KIF4A: variants seen among roughly 807,000 people sequenced by gnomAD.
KIF4A encodes the protein kinesin family member 4A, also known as chromosome-associated kinesin KIF4A.
KIF4A carries 7 observed loss-of-function variants against 105.9 expected under a neutral mutation model. That is an observed-to-expected ratio of 0.07 (90% CI 0.04 to 0.12). The LOEUF is 0.12. Among genes scored for constraint, KIF4A ranks in the 10% least tolerant of loss-of-function variants. The pLI is 1.00. For missense variants in KIF4A, 558 were observed against 929.2 expected, an observed-to-expected ratio of 0.60 and a Z score of 5.19; for synonymous variants, 281 against 331.3, an observed-to-expected ratio of 0.85 and a Z score of 1.65.
intron 20 of KIF4A, among the ~76,000 whole-genome samples, chrX:70,388,804 AC>A (rs2147730605): frequency 8.9e-6 from 1 of 112,392 alleles, no homozygotes; most frequent in African/African-American, 3.2e-5. Flanking sequence ...TTAACAGAGG[AC>A]TTCTGTGTTT....
At chrX:70,350,363 C>T (rs1238066934) in intron 13 of KIF4A, among the ~76,000 whole-genome samples, 1 of 112,007 alleles carries the variant, frequency 8.9e-6, no homozygotes, top group Non-Finnish European at 1.9e-5. Context: ...CGGGTGCCTG[C>T]ATTCCCAGGC....
intron 7 of KIF4A, among the ~76,000 whole-genome samples, chrX:70,328,056 A>T (rs971542198): frequency 8.9e-6 from 1 of 112,074 alleles, no homozygotes; most frequent in Non-Finnish European, 1.9e-5. Context: ...AGTAGGATGC[A>T]GTCAGGAATT....
intron 28 of KIF4A, among the ~76,000 whole-genome samples, chrX:70,414,935 C>T (rs1188843677): frequency 8.9e-6 from 1 of 112,010 alleles, no homozygotes; most frequent in African/African-American, 3.2e-5. Flanking sequence ...CAAACTATCC[C>T]ACTTTCTTCT....
In KIF4A at chrX:70,300,642, G is replaced by A. The variant is rs146442808; in HGVS notation, c.517-1258G>A. On this transcript the variant is annotated intron_variant, in intron 5 of 30. Transcript: ENST00000374403. ...TATGTTAGGACCAGATTATGAAGCC[G>A]GGCTAAAGAGCTTAGTTTCTATCCC... 6.2e-3 allele frequency among the ~76,000 whole-genome samples: 693 copies of A among 111,532 alleles called. 7 individuals are homozygous for A. Among genetic ancestry groups the A allele is most frequent in the African/African-American group, 0.021 (645 of 30,656 alleles).
chrX:70,376,262 T>G (rs1275012168), intron 18 of KIF4A, 52 bp downstream of exon 18: 1 of 683,964 alleles, frequency 1.5e-6, no homozygotes, highest in African/African-American at 2.2e-5. Context: ...TTCTCTGAGC[T>G]GACTAACAAT....
At chrX:70,417,349 C>G (rs2086348479) in intron 28 of KIF4A, among the ~76,000 whole-genome samples, 1 of 110,050 alleles carries the variant, frequency 9.1e-6, no homozygotes, top group Non-Finnish European at 1.9e-5. Context: ...ACTAAAAATA[C>G]AAAAATTAGC....
intron 28 of KIF4A, among the ~76,000 whole-genome samples, chrX:70,408,845 C>T (rs1034940847): frequency 8.9e-6 from 1 of 111,791 alleles, no homozygotes; most frequent in African/African-American, 3.2e-5. Flanking sequence ...GGAGATGGAC[C>T]GGGGAGTTTT....
Position 70,290,130 on chromosome X carries a change from G to C in KIF4A, c.-42G>C, listed in dbSNP as rs1263393603. 4 of 179,730 alleles carry C rather than the reference G, an allele frequency of 2.2e-5. No individual in the cohort carries two copies. Among genetic ancestry groups the C allele is most frequent in the African/African-American group, 5.9e-5 (2 of 33,671 alleles). The allele number at this position is 179,730 out of a possible 1,213,427, so 14.8% of individuals were successfully genotyped here. On this transcript the variant is annotated 5_prime_UTR_variant, in exon 1 of 31. Coordinates refer to ENST00000374403, the MANE Select transcript of KIF4A (RefSeq NM_012310.5). ...GGGCGGCGGGAGGCCCAGGGAGAAC[G>C]GGGAAGGGACATTTAGTTTGGTGAG...
At chrX:70,338,852 G>A (rs972794209) in intron 10 of KIF4A, among the ~76,000 whole-genome samples, 18 of 111,047 alleles carry the variant, frequency 1.6e-4, no homozygotes, top group African/African-American at 5.2e-4. Flanking sequence ...TTGGGAGGCC[G>A]AGGTGGGCGG....
At chrX:70,362,197 G>A in intron 15 of KIF4A, 2 of 308,659 alleles carry the variant, frequency 6.5e-6, no homozygotes, top group East Asian at 9.6e-5. Flanking sequence ...GGGTAGAGCA[G>A]GTCCAGATAG....
chrX:70,370,056 CAT>C (rs1246121090), intron 15 of KIF4A, among the ~76,000 whole-genome samples: 1 of 111,139 alleles, frequency 9.0e-6, no homozygotes, highest in African/African-American at 3.3e-5. Flanking sequence ...TGTACAGTCA[CAT>C]GATATACAGT....
intron 18 of KIF4A, among the ~76,000 whole-genome samples, chrX:70,377,752 A>G (rs1431149236): frequency 3.6e-5 from 4 of 112,166 alleles, no homozygotes; most frequent in Non-Finnish European, 5.6e-5. Flanking sequence ...TCTGGCCAAC[A>G]TGATGAAACA....
At chrX:70,400,111 C>T (rs781176134) in intron 22 of KIF4A, among the ~76,000 whole-genome samples, 1 of 102,247 alleles carries the variant, frequency 9.8e-6, no homozygotes, top group Non-Finnish European at 2.0e-5. Context: ...CGTGCTGGTG[C>T]GCTGCACCCA....
intron 15 of KIF4A, among the ~76,000 whole-genome samples, chrX:70,368,117 C>T (rs770611045): frequency 8.9e-6 from 1 of 112,045 alleles, no homozygotes; most frequent in Admixed American, 9.5e-5. Flanking sequence ...CCTTGAAGGA[C>T]TTCTCTGCAT....
chrX:70,341,762 C>T (rs1320936631), intron 10 of KIF4A, 37 bp from the exon 11 acceptor site: 5 of 1,174,563 alleles, frequency 4.3e-6, no homozygotes, highest in Non-Finnish European at 5.8e-6. Flanking sequence ...TATTATCAAT[C>T]AGATATTTTT....
At chrX:70,406,865 C>T in intron 27 of KIF4A, 28 bp from the exon 28 acceptor site, 1 of 1,199,084 alleles carries the variant, frequency 8.3e-7, no homozygotes, top group Non-Finnish European at 1.1e-6. Flanking sequence ...TATTAAATAA[C>T]TAAACTACTC....
At chrX:70,319,478 G>A (rs756591523) in intron 7 of KIF4A, among the ~76,000 whole-genome samples, 3 of 110,653 alleles carry the variant, frequency 2.7e-5, no homozygotes, top group Non-Finnish European at 3.8e-5. Context: ...TAAAAAGTCC[G>A]TTCTTTCCCT....
chrX:70,342,562 C>T (rs765780813), intron 11 of KIF4A, among the ~76,000 whole-genome samples: 5 of 111,952 alleles, frequency 4.5e-5, no homozygotes, highest in South Asian at 3.7e-4. Flanking sequence ...TTTGATAGCA[C>T]GACTGTTGCC....
chrX:70,397,588 C>A (rs773926533), intron 22 of KIF4A, among the ~76,000 whole-genome samples: 14 of 111,923 alleles, frequency 1.3e-4, no homozygotes, highest in Non-Finnish European at 2.4e-4. Context: ...TGTCCCTCAT[C>A]TCCTAGCTCT....
Sources: gnomAD v4.1 joint callset for allele counts (sites outside exome capture counted in the v4.1 genomes callset) on GRCh38, gnomAD v4.1.1 for gene constraint, MANE v1.5 for transcripts, NCBI Gene and HGNC (gene_info 2026-07-23, HGNC 2026-07-21) for gene names.